GRAMD1C: variants seen among roughly 807,000 people sequenced by gnomAD.
GRAMD1C encodes GRAM domain containing 1C.
A neutral mutation model predicts 97.8 loss-of-function variants in GRAMD1C; 89 were observed. That is an observed-to-expected ratio of 0.91 (90% CI 0.77 to 1.09). The LOEUF (loss-of-function observed/expected upper bound fraction) is 1.09. GRAMD1C is among the 50% of genes least tolerant of loss of function. The pLI is 0.00. For synonymous variants in GRAMD1C, 256 were observed against 267.0 expected, an observed-to-expected ratio of 0.96 and a Z score of 0.40; for missense variants, 740 against 766.4, an observed-to-expected ratio of 0.97 and a Z score of 0.41.
chr3:113,842,700 C>T (rs4234418), intron 1 of GRAMD1C, among the ~76,000 whole-genome samples: 152,037 of 152,276 alleles, frequency 1, 75,900 homozygotes, highest in Middle Eastern at 1. Flanking sequence ...CAGTGGCTCA[C>T]GCCTGTAATC....
At position 113,839,316 on chromosome 3, in the gene GRAMD1C, C is replaced by G. The variant is rs565574026; in HGVS notation, c.27+380C>G. Among the ~76,000 whole-genome samples the G allele has an allele frequency of 3.3e-5, 5 of 152,290 alleles. No individual in the cohort carries two copies. The South Asian group carries it at 1.0e-3, about 32-fold the overall frequency. On this transcript the variant is annotated intron_variant, in intron 1 of 17. Transcript: ENST00000358160. ...TCATTCTCAGCCCTGTTGTAAAGGT[C>G]CGGATAGTTTAAATCACTGTGCTGT...
intron 6 of GRAMD1C, among the ~76,000 whole-genome samples, chr3:113,895,608 A>G (rs1189228560): frequency 6.6e-6 from 1 of 152,226 alleles, no homozygotes; most frequent in African/African-American, 2.4e-5. Context: ...CTACCTGGAA[A>G]AAAAATGAAT....
upstream of GRAMD1C, among the ~76,000 whole-genome samples, chr3:113,837,739 C>T (rs1292410806): frequency 6.8e-6 from 1 of 146,862 alleles, no homozygotes; most frequent in Non-Finnish European, 1.5e-5. Context: ...AACAAACAAA[C>T]AAACAAACAA....
chr3:113,868,704 C>G (rs1025689267), intron 2 of GRAMD1C, among the ~76,000 whole-genome samples: 5 of 150,024 alleles, frequency 3.3e-5, no homozygotes, highest in African/African-American at 1.2e-4. Flanking sequence ...AAAGCTCTGG[C>G]CATTTAAAAA....
intron 13 of GRAMD1C, 116 bp from the exon 14 acceptor site, chr3:113,936,150 A>T: frequency 1.6e-6 from 1 of 616,042 alleles, no homozygotes; most frequent in Non-Finnish European, 2.8e-6. Flanking sequence ...AATCTAGGTC[A>T]TAAGAACCTA....
chr3:113,900,961 A>G, intron 6 of GRAMD1C, 70 bp from the exon 7 acceptor site: 2 of 820,976 alleles, frequency 2.4e-6, no homozygotes, highest in South Asian at 1.5e-5. Flanking sequence ...TTCAAAACTC[A>G]TGTTTTGAAT....
chr3:113,924,789 T>A (rs192458550), intron 10 of GRAMD1C, among the ~76,000 whole-genome samples: 1 of 152,284 alleles, frequency 6.6e-6, no homozygotes, highest in Admixed American at 6.5e-5. Context: ...TAGGTCCATT[T>A]GGTTAAATGT....
chr3:113,881,844 A>G (rs538502713), intron 5 of GRAMD1C, among the ~76,000 whole-genome samples: 2 of 152,324 alleles, frequency 1.3e-5, no homozygotes, highest in African/African-American at 2.4e-5. Flanking sequence ...TTCTTTGTAA[A>G]AAGTTTTGCT....
intron 5 of GRAMD1C, among the ~76,000 whole-genome samples, chr3:113,880,163 CA>C (rs1935204805): frequency 6.6e-6 from 1 of 152,132 alleles, no homozygotes; most frequent in African/African-American, 2.4e-5. Context: ...CTTAGTTTTA[CA>C]ATTAATACAT....
chr3:113,858,235 C>G (rs1004282193), intron 2 of GRAMD1C, among the ~76,000 whole-genome samples: 7 of 151,476 alleles, frequency 4.6e-5, no homozygotes, highest in African/African-American at 1.7e-4. Flanking sequence ...GTGTAGAGTT[C>G]TTTTGTTTTG....
At position 113,945,594 on chromosome 3, in the gene GRAMD1C, G is replaced by A. The variant is rs1938033316; in HGVS notation, c.*116G>A. On this transcript the variant is annotated 3_prime_UTR_variant, in exon 18 of 18. Coordinates refer to ENST00000358160, the MANE Select transcript of GRAMD1C (RefSeq NM_017577.5). Reference sequence around the variant, plus strand: ...CATTTCTATGTTTTTTCATTATTGAGATTTCTAATATGAACATTTCTTTCA... The same window carrying A: ...CATTTCTATGTTTTTTCATTATTGAAATTTCTAATATGAACATTTCTTTCA... The A allele has an allele frequency of 1.3e-5, 8 of 624,260 alleles. No homozygotes were observed. Among genetic ancestry groups the A allele is most frequent in the Non-Finnish European group, 2.3e-5 (8 of 346,686 alleles). 38.7% of individuals were successfully genotyped at this position (624,260 alleles called of 1,614,324 possible). A position where few individuals can be genotyped will look rare whatever the true frequency, so the allele number is the denominator to read the frequency against.
chr3:113,844,678 A>C, intron 2 of GRAMD1C, 29 bp downstream of exon 2: 1 of 1,492,430 alleles, frequency 6.7e-7, no homozygotes, highest in Non-Finnish European at 9.1e-7. Flanking sequence ...TCTTTATTTT[A>C]ATCTTGAATA....
At chr3:113,925,940 C>T (rs1937217177) in intron 10 of GRAMD1C, among the ~76,000 whole-genome samples, 2 of 152,164 alleles carry the variant, frequency 1.3e-5, no homozygotes, top group Non-Finnish European at 2.9e-5. Context: ...TGATAGGATT[C>T]CCTTTGTAGG....
intron 6 of GRAMD1C, among the ~76,000 whole-genome samples, chr3:113,890,209 G>A (rs1355227619): frequency 1.3e-5 from 2 of 152,178 alleles, no homozygotes; most frequent in African/African-American, 2.4e-5. Flanking sequence ...TGTGGGTGAG[G>A]GGGCTTGCCA....
intron 17 of GRAMD1C, among the ~76,000 whole-genome samples, chr3:113,943,371 A>C (rs1937899880): frequency 6.6e-6 from 1 of 152,194 alleles, no homozygotes; most frequent in Admixed American, 6.5e-5. Context: ...TTTTATTCAC[A>C]AGGTTGTGCA....
intron 2 of GRAMD1C, among the ~76,000 whole-genome samples, chr3:113,849,903 C>T (rs1163028338): frequency 6.7e-5 from 10 of 149,616 alleles, no homozygotes; most frequent in Non-Finnish European, 1.0e-4. Context: ...CCGGACGGGG[C>T]GGCTGGCCAG....
chr3:113,904,903 C>T (rs1207520088), intron 8 of GRAMD1C, among the ~76,000 whole-genome samples: 1 of 152,152 alleles, frequency 6.6e-6, no homozygotes, highest in Non-Finnish European at 1.5e-5. Flanking sequence ...GGCATGATCT[C>T]GGCTCACTGC....
At chr3:113,885,295 C>T in intron 6 of GRAMD1C, 3 of 1,518,254 alleles carry the variant, frequency 2.0e-6, no homozygotes, top group Admixed American at 1.8e-5. Flanking sequence ...CGGGGTCATC[C>T]GGATGGTGCG....
intron 8 of GRAMD1C, among the ~76,000 whole-genome samples, chr3:113,904,892 T>C (rs1936309090): frequency 6.6e-6 from 1 of 152,212 alleles, no homozygotes; most frequent in Non-Finnish European, 1.5e-5. Flanking sequence ...TGGAGTGCAA[T>C]GGCATGATCT....
Sources: allele counts gnomAD v4.1 joint callset (sites outside exome capture counted in the v4.1 genomes callset), GRCh38; gene constraint gnomAD v4.1.1; transcripts MANE v1.5; gene names NCBI Gene and HGNC (gene_info 2026-07-23, HGNC 2026-07-21).